Variants in COBLL1 observed in about 807,000 individuals in gnomAD.
COBLL1 encodes the protein cordon-bleu WH2 repeat protein like 1.
A neutral mutation model predicts 94.8 loss-of-function variants in COBLL1; 50 were observed. That is an observed-to-expected ratio of 0.53 (90% CI 0.42 to 0.67). COBLL1 has a LOEUF of 0.67. Ranked by LOEUF, COBLL1 falls within the 30% of genes least tolerant of loss-of-function variation. COBLL1 has a pLI of 0.00. For missense variants in COBLL1, 1,362 were observed against 1,348.7 expected (o/e 1.01, Z -0.15); for synonymous variants, 448 against 473.8 (o/e 0.95, Z 0.71).
At chr2:164,799,720 C>G (rs355913) in intron 2 of COBLL1, among the ~76,000 whole-genome samples, 425 of 152,198 alleles carry the variant, frequency 2.8e-3, no homozygotes, top group African/African-American at 9.8e-3. Context: ...CTACAGTAAT[C>G]AAAACAATGT....
chr2:164,719,804 C>G (rs949264232), intron 7 of COBLL1, among the ~76,000 whole-genome samples: 1 of 152,122 alleles, frequency 6.6e-6, no homozygotes, highest in African/African-American at 2.4e-5. Flanking sequence ...CAAACCACTA[C>G]AGTTGAGAAC....
At chr2:164,669,633 T>C (rs1457694671) in intron 1 of COBLL1, among the ~76,000 whole-genome samples, 2 of 152,180 alleles carry the variant, frequency 1.3e-5, no homozygotes, top group Admixed American at 6.5e-5. Context: ...ATGTACCCAA[T>C]TGGGAACACT....
Position 164,826,182 on chromosome 2 carries a change from A to C in COBLL1, c.41+14974T>G, listed in dbSNP as rs756419571. On this transcript the variant is annotated intron_variant, in intron 2 of 13. Coordinates refer to ENST00000652658, the MANE Select transcript of COBLL1 (RefSeq NM_001365672.2). The stretch of plus-strand genomic sequence containing the variant: ...CAGAATGGTGAAGCGAGGAAGTTAC[A>C]ATCACCTTGGTAGCATATTCCTAAT... Among the ~76,000 whole-genome samples, 85 of 152,338 alleles carry C rather than the reference A, an allele frequency of 5.6e-4. No homozygotes were observed. In the Middle Eastern group the frequency reaches 0.014, roughly 24 times the overall value.
chr2:164,663,083 T>C lies in COBLL1; in HGVS notation n.181+2764A>G, dbSNP rs1691097425. Among the ~76,000 whole-genome samples, 8 of 152,340 alleles carry C rather than the reference T, an allele frequency of 5.3e-5. 1 individual carries two copies. In the South Asian group the frequency reaches 1.7e-3, roughly 32 times the overall value. ...CATTGGACTTTTCAGGGCAGGGTTTTAGTCAATATGTAAAAACTTCTAATT... is the reference window on the plus strand; with the variant it reads ...CATTGGACTTTTCAGGGCAGGGTTTCAGTCAATATGTAAAAACTTCTAATT... On this transcript the variant is annotated intron_variant and non_coding_transcript_variant, in intron 2 of 2. Transcript: ENST00000495084.
intron 2 of COBLL1, among the ~76,000 whole-genome samples, chr2:164,781,719 G>A (rs1212995952): frequency 6.6e-6 from 1 of 152,144 alleles, no homozygotes. Flanking sequence ...ATTTGAAATT[G>A]TGCCCTAAAT....
In COBLL1 at chr2:164,728,327, T is replaced by G. The variant is rs975086701; in HGVS notation, c.433-130A>C. On this transcript the variant is annotated intron_variant, in intron 4 of 13. Coordinates refer to ENST00000652658, the MANE Select transcript of COBLL1 (RefSeq NM_001365672.2). Reference sequence around the variant, plus strand: ...ATAAACAGTACTTTCCTATTTGGTGTGAAATTCTCTTTTTGATTAATGTTA... The same window carrying G: ...ATAAACAGTACTTTCCTATTTGGTGGGAAATTCTCTTTTTGATTAATGTTA... The G allele has an allele frequency of 1.0e-5, 6 of 595,876 alleles. No individual in the cohort carries two copies. The African/African-American group carries it at 1.1e-4, about 11-fold the overall frequency. 36.9% of individuals were successfully genotyped at this position (595,876 alleles called of 1,614,324 possible).
At chr2:164,818,490 T>C (rs190364793) in intron 2 of COBLL1, among the ~76,000 whole-genome samples, 2 of 149,306 alleles carry the variant, frequency 1.3e-5, no homozygotes, top group East Asian at 2.0e-4. Context: ...TGTATACATA[T>C]ACATATTTAC....
chr2:164,785,727 T>A (rs931249695), intron 2 of COBLL1, among the ~76,000 whole-genome samples: 1 of 152,026 alleles, frequency 6.6e-6, no homozygotes, highest in Non-Finnish European at 1.5e-5. Context: ...ATATAACTAT[T>A]CTTTCTCCTT....
intron 1 of COBLL1, among the ~76,000 whole-genome samples, chr2:164,667,538 A>G (rs1691181316): frequency 1.3e-5 from 2 of 152,246 alleles, no homozygotes; most frequent in Admixed American, 6.5e-5. Flanking sequence ...CCCCGCCTTC[A>G]TCAATGATCT....
At chr2:164,667,720 CGA>C (rs1428794419) in intron 1 of COBLL1, among the ~76,000 whole-genome samples, 2 of 152,124 alleles carry the variant, frequency 1.3e-5, no homozygotes, top group African/African-American at 2.4e-5. Flanking sequence ...ATAGAATTGA[CGA>C]GAGAGTTAGG....
At chr2:164,663,884 A>G (rs1386012901) in intron 2 of COBLL1, among the ~76,000 whole-genome samples, 1 of 152,166 alleles carries the variant, frequency 6.6e-6, no homozygotes, top group Non-Finnish European at 1.5e-5. Flanking sequence ...TGGAAGCCCA[A>G]ACTTCACACA....
chr2:164,801,197 T>C lies in COBLL1; in HGVS notation c.41+39959A>G, dbSNP rs549129716. On this transcript the variant is annotated intron_variant, in intron 2 of 13. Coordinates refer to ENST00000652658, the MANE Select transcript of COBLL1 (RefSeq NM_001365672.2). ...GCTCACGCCTGTAATCCCAGCACTT[T>C]GGGAGGCCGAGGCAGGCGGATCACG... Among the ~76,000 whole-genome samples, 3 of 151,760 alleles carry C rather than the reference T, an allele frequency of 2.0e-5. No homozygotes were observed. In the South Asian group the frequency reaches 6.2e-4, roughly 32 times the overall value.
At chr2:164,804,546 G>A (rs1384070228) in intron 2 of COBLL1, among the ~76,000 whole-genome samples, 1 of 151,842 alleles carries the variant, frequency 6.6e-6, no homozygotes, top group Non-Finnish European at 1.5e-5. Flanking sequence ...TGCTTTTGGG[G>A]GCTCAATTCT....
chr2:164,689,523 C>A (rs1187446921), intron 13 of COBLL1, among the ~76,000 whole-genome samples: 1 of 152,034 alleles, frequency 6.6e-6, no homozygotes, highest in African/African-American at 2.4e-5. Context: ...TAAGAGCCTG[C>A]CTGTGTCCAT....
intron 2 of COBLL1, among the ~76,000 whole-genome samples, chr2:164,811,898 A>G (rs796992322): frequency 5.3e-5 from 8 of 152,138 alleles, no homozygotes; most frequent in African/African-American, 1.9e-4. Context: ...CCTCTGTGGT[A>G]GCATTTTTGC....
rs1683041585 is a variant in COBLL1, at chr2:164,681,550, A to G, written c.*4396T>C. ...TCACACAGCAAAAGGTACGGATGCA[A>G]GAGAGGGAAAGAACTGAGGCCATCA... On this transcript the variant is annotated 3_prime_UTR_variant, in exon 14 of 14. Transcript: ENST00000652658. The G allele has an allele frequency of 6.6e-6, 1 of 152,270 alleles. No individual in the cohort carries two copies. Among genetic ancestry groups the G allele is most frequent in the South Asian group, 2.1e-4 (1 of 4,832 alleles). 9.4% of individuals were successfully genotyped at this position (152,270 alleles called of 1,614,324 possible). A position where few individuals can be genotyped will look rare whatever the true frequency, so the allele number is the denominator to read the frequency against.
intron 9 of COBLL1, among the ~76,000 whole-genome samples, chr2:164,701,986 A>G (rs994437850): frequency 3.3e-5 from 5 of 152,094 alleles, no homozygotes; most frequent in Non-Finnish European, 7.4e-5. Context: ...ACATAATTCA[A>G]TATTTAAAGT....
intron 3 of COBLL1, 139 bp from the exon 4 acceptor site, chr2:164,730,254 C>G (rs1052242340): frequency 5.3e-6 from 4 of 752,016 alleles, no homozygotes; most frequent in African/African-American, 3.5e-5. Flanking sequence ...AAGCTACAGG[C>G]CAAGGCAGGA....
Position 164,704,963 on chromosome 2 carries a change from C to T in COBLL1, c.1139G>A (p.Ser380Asn). 3.2e-6 allele frequency: 5 copies of T among 1,582,478 alleles called. No homozygotes were observed. Among genetic ancestry groups the T allele is most frequent in the Non-Finnish European group, 4.3e-6 (5 of 1,168,042 alleles). Residue 380 changes from serine to asparagine, a missense_variant, in exon 8 of 14, where the codon AGT becomes AAT. Transcript: ENST00000652658. ...AACAACCACATTACCAGTCACACGACTATTTTCATCACTTTGATGCGGGGG... is the reference window on the plus strand; with the variant it reads ...AACAACCACATTACCAGTCACACGATTATTTTCATCACTTTGATGCGGGGG... ...KIPPHQSDEN[S>N]RVTALQPVDG...
Sources: gnomAD v4.1 joint callset for allele counts (sites outside exome capture counted in the v4.1 genomes callset) on GRCh38, gnomAD v4.1.1 for gene constraint, MANE v1.5 for transcripts, NCBI Gene and HGNC (gene_info 2026-07-23, HGNC 2026-07-21) for gene names.